The following PTPRD variants were observed in gnomAD, a reference collection of about 807,000 sequenced individuals.
PTPRD encodes protein tyrosine phosphatase receptor type D, also known as receptor-type tyrosine-protein phosphatase delta.
PTPRD carries 34 observed loss-of-function variants against 214.5 expected under a neutral mutation model. The ratio of observed to expected loss-of-function variants is 0.16; its 90% CI spans 0.12 to 0.21. The LOEUF (loss-of-function observed/expected upper bound fraction) is 0.21. Ranked by LOEUF, PTPRD falls within the 10% of genes least tolerant of loss-of-function variation. The pLI is 1.00. For missense variants in PTPRD, 2,545 were observed against 2,398.7 expected (o/e 1.06, Z -1.27); for synonymous variants, 1,128 against 845.7 (o/e 1.33, Z -5.79).
intron 8 of PTPRD, among the ~76,000 whole-genome samples, chr9:9,459,383 C>T (rs541702193): frequency 1.3e-5 from 2 of 152,078 alleles, no homozygotes; most frequent in South Asian, 2.1e-4. Flanking sequence ...AAATAAAAGG[C>T]ATCTAAATTG....
At chr9:9,964,559 C>G (rs2094561690) in intron 4 of PTPRD, among the ~76,000 whole-genome samples, 2 of 152,170 alleles carry the variant, frequency 1.3e-5, no homozygotes, top group African/African-American at 4.8e-5. Context: ...AGGAAATCCT[C>G]TTGACGTGGG....
chr9:9,857,821 A>C (rs1487800907), intron 5 of PTPRD, among the ~76,000 whole-genome samples: 1 of 152,236 alleles, frequency 6.6e-6, no homozygotes, highest in Non-Finnish European at 1.5e-5. Flanking sequence ...AATCACATTT[A>C]GTATTTGTCT....
chr9:9,170,987 C>G (rs1191871704), intron 10 of PTPRD, among the ~76,000 whole-genome samples: 1 of 152,146 alleles, frequency 6.6e-6, no homozygotes, highest in Non-Finnish European at 1.5e-5. Context: ...ACAGGCTCCT[C>G]TACATCATAG....
intron 10 of PTPRD, among the ~76,000 whole-genome samples, chr9:9,053,464 G>A (rs2099690310): frequency 6.6e-6 from 1 of 152,040 alleles, no homozygotes; most frequent in Non-Finnish European, 1.5e-5. Flanking sequence ...GAGTCAATGG[G>A]TTTGAAGAGC....
chr9:8,863,983 T>A (rs1566706064), intron 11 of PTPRD, among the ~76,000 whole-genome samples: 2 of 152,114 alleles, frequency 1.3e-5, no homozygotes, highest in African/African-American at 2.4e-5. Flanking sequence ...GATTAAGAAG[T>A]CACCAGAAAG....
intron 4 of PTPRD, among the ~76,000 whole-genome samples, chr9:9,989,045 A>AAAAAAG (rs2095822162): frequency 6.7e-6 from 1 of 148,288 alleles, no homozygotes; most frequent in Non-Finnish European, 1.5e-5. Context: ...AAAAAAAAAA[A>AAAAAAG]CCACAGACTT....
At chr9:8,779,252 A>C (rs562443970) in intron 11 of PTPRD, among the ~76,000 whole-genome samples, 24 of 152,312 alleles carry the variant, frequency 1.6e-4, no homozygotes, top group African/African-American at 5.8e-4. Context: ...ATAGGAAGCC[A>C]TTTTAATTCA....
intron 11 of PTPRD, among the ~76,000 whole-genome samples, chr9:8,810,600 A>C (rs567832322): frequency 1.3e-5 from 2 of 152,298 alleles, no homozygotes; most frequent in South Asian, 4.1e-4. Flanking sequence ...CTCTAAAGGA[A>C]CACACTCTAA....
chr9:9,595,691 G>C (rs1563940917), intron 7 of PTPRD, among the ~76,000 whole-genome samples: 3 of 151,878 alleles, frequency 2.0e-5, no homozygotes, highest in African/African-American at 4.8e-5. Flanking sequence ...AGTAACACAG[G>C]AATGGAAAAC....
chr9:9,474,236 G>C (rs1220338033), intron 8 of PTPRD, among the ~76,000 whole-genome samples: 1 of 151,922 alleles, frequency 6.6e-6, no homozygotes, highest in Non-Finnish European at 1.5e-5. Context: ...GTATCTTCTT[G>C]GTACCTCTAT....
chr9:9,090,067 G>T (rs574617266), intron 10 of PTPRD, among the ~76,000 whole-genome samples: 1 of 152,052 alleles, frequency 6.6e-6, no homozygotes, highest in Non-Finnish European at 1.5e-5. Context: ...TTTGCATTGG[G>T]AACATTTTAA....
chr9:10,027,285 T>A (rs2096942301), intron 4 of PTPRD, among the ~76,000 whole-genome samples: 1 of 152,222 alleles, frequency 6.6e-6, no homozygotes, highest in Non-Finnish European at 1.5e-5. Context: ...CTTTTCATCA[T>A]GTTGTTAAAA....
At chr9:8,394,939 G>T (rs770681470) in intron 36 of PTPRD, among the ~76,000 whole-genome samples, 1 of 152,060 alleles carries the variant, frequency 6.6e-6, no homozygotes, top group African/African-American at 2.4e-5. Context: ...GGACTTTAGC[G>T]GGTGATAATA....
At chr9:10,610,129 A>G (rs1296629001) in intron 2 of PTPRD, among the ~76,000 whole-genome samples, 2 of 152,164 alleles carry the variant, frequency 1.3e-5, no homozygotes, top group Non-Finnish European at 2.9e-5. Context: ...TAAAGTTGCA[A>G]CTACCTCTGT....
At chr9:8,984,609 A>G (rs2099329917) in intron 11 of PTPRD, among the ~76,000 whole-genome samples, 1 of 152,094 alleles carries the variant, frequency 6.6e-6, no homozygotes, top group Admixed American at 6.6e-5. Flanking sequence ...CTGACTTCTC[A>G]GGCACATTAG....
At chr9:8,338,810 C>G in intron 43 of PTPRD, 112 bp downstream of exon 43, 1 of 971,382 alleles carries the variant, frequency 1.0e-6, no homozygotes, top group Non-Finnish European at 1.4e-6. Context: ...TGAATGATTT[C>G]TCTTTGGGAC....
chr9:10,168,116 T>G (rs1351324883), intron 3 of PTPRD, among the ~76,000 whole-genome samples: 3 of 152,216 alleles, frequency 2.0e-5, no homozygotes. Context: ...ACATATTTGC[T>G]TTTGCAGGTG....
At chr9:9,019,317 A>AAAGGAAGAAAGAAAGG (rs2099552072) in intron 10 of PTPRD, among the ~76,000 whole-genome samples, 18 of 116,850 alleles carry the variant, frequency 1.5e-4, no homozygotes, top group Non-Finnish European at 2.4e-4. Flanking sequence ...AGAAAGAAAG[A>AAAGGAAGAAAGAAAGG]AAGAAAGAAA....
Position 8,813,296 on chromosome 9 carries a change from G to C in PTPRD, c.-103-79350C>G, listed in dbSNP as rs139380954. Among the ~76,000 whole-genome samples the C allele has an allele frequency of 9.2e-5, 14 of 152,192 alleles. No homozygotes were observed. The East Asian group carries it at 2.7e-3, about 30-fold the overall frequency. Reference sequence around the variant, plus strand: ...GCAGAGGCTGGAGGAAGAGGCCAGAGGGAGTCACCAGCCACAAAGGAATAG... The same window carrying C: ...GCAGAGGCTGGAGGAAGAGGCCAGACGGAGTCACCAGCCACAAAGGAATAG... On this transcript the variant is annotated intron_variant, in intron 11 of 45. Transcript: ENST00000381196.
Sources: gnomAD v4.1 joint callset for allele counts (sites outside exome capture counted in the v4.1 genomes callset) on GRCh38, gnomAD v4.1.1 for gene constraint, MANE v1.5 for transcripts, NCBI Gene and HGNC (gene_info 2026-07-23, HGNC 2026-07-21) for gene names.